Variants in SVBP observed in about 807,000 individuals in gnomAD.
SVBP encodes the protein small vasohibin-binding protein.
In SVBP, 9 loss-of-function variants were observed where a neutral mutation model predicts 9.2. That is an observed-to-expected ratio of 0.98 (90% CI 0.59 to 1.71). The LOEUF (loss-of-function observed/expected upper bound fraction) is 1.71, where lower values mean the gene tolerates loss of function less well. Among genes scored for constraint, SVBP ranks in the 40% most tolerant of loss-of-function variants. The pLI, the probability that SVBP is intolerant of heterozygous loss-of-function variation, is 0.00. For synonymous variants in SVBP, 27 were observed against 23.9 expected (o/e 1.13, Z -0.37); for missense variants, 63 against 73.2 (o/e 0.86, Z 0.51).
intron 2 of SVBP, among the ~76,000 whole-genome samples, chr1:42,814,223 A>G (rs1427838688): frequency 1.9e-5 from 1 of 52,032 alleles, no homozygotes; most frequent in Non-Finnish European, 3.5e-5. Context: ...CTGGGACTAC[A>G]GGGAGCACCA....
chr1:42,814,190 T>C (rs922232727), intron 2 of SVBP, among the ~76,000 whole-genome samples: 2 of 146,660 alleles, frequency 1.4e-5, no homozygotes, highest in Non-Finnish European at 3.0e-5. Context: ...CAAGCAATTC[T>C]CCTGCCTCAG....
chr1:42,809,494 A>C (rs907089443), intron 2 of SVBP, among the ~76,000 whole-genome samples: 1 of 152,202 alleles, frequency 6.6e-6, no homozygotes, highest in African/African-American at 2.4e-5. Flanking sequence ...GGCACAAATA[A>C]ACATTATTAG....
At chr1:42,808,115 A>G (rs1653998199) in intron 2 of SVBP, among the ~76,000 whole-genome samples, 1 of 136,894 alleles carries the variant, frequency 7.3e-6, no homozygotes, top group Non-Finnish European at 1.5e-5. Flanking sequence ...ATAAGTGTGC[A>G]GGGGAGCAAT....
intron 1 of SVBP, 44 bp from the exon 2 acceptor site, chr1:42,816,624 C>A: frequency 2.1e-6 from 2 of 958,152 alleles, no homozygotes; most frequent in African/African-American, 3.3e-5. Context: ...CAAAACAAAA[C>A]AAAAAATACC....
At chr1:42,808,859 G>A (rs1654022800) in intron 2 of SVBP, among the ~76,000 whole-genome samples, 2 of 151,954 alleles carry the variant, frequency 1.3e-5, no homozygotes, top group Non-Finnish European at 2.9e-5. Context: ...ACCAAACCCG[G>A]CTAAGTTTTG....
Position 42,816,368 on chromosome 1 carries a change from TTCTC to T in SVBP, c.114+59_114+62del, listed in dbSNP as rs1311618204. ...CGCTGTCAGTTCTCCTTTCTGCTGTTTCTCTATTCCAGCATCATCTCCAGCAGAC... is the reference window on the plus strand; with the variant it reads ...CGCTGTCAGTTCTCCTTTCTGCTGTTTATTCCAGCATCATCTCCAGCAGAC... On this transcript the variant is annotated intron_variant, in intron 2 of 2. Coordinates refer to ENST00000372521, the MANE Select transcript of SVBP (RefSeq NM_199342.4). 17 of 1,183,756 alleles carry T rather than the reference TTCTC, an allele frequency of 1.4e-5. No homozygotes were observed. In the East Asian group the frequency reaches 3.8e-4, roughly 26 times the overall value. 73.3% of individuals were successfully genotyped at this position (1,183,756 alleles called of 1,614,324 possible).
intron 2 of SVBP, chr1:42,813,729 CA>C: frequency 5.6e-6 from 3 of 531,616 alleles, no homozygotes; most frequent in South Asian, 4.2e-5. Flanking sequence ...TTGGCTATAT[CA>C]CCATTTCTCT....
intron 2 of SVBP, among the ~76,000 whole-genome samples, chr1:42,814,740 A>C (rs982343606): frequency 1.7e-4 from 26 of 152,320 alleles, no homozygotes; most frequent in African/African-American, 6.0e-4. Context: ...GAGGATGTGG[A>C]GAAATAGGAA....
intron 2 of SVBP, among the ~76,000 whole-genome samples, chr1:42,808,552 T>G (rs1368927003): frequency 6.8e-6 from 1 of 146,672 alleles, no homozygotes; most frequent in Non-Finnish European, 1.5e-5. Context: ...TCCCAAAGTA[T>G]ATACTATTAA....
At chr1:42,814,408 T>A (rs72958982) in intron 2 of SVBP, among the ~76,000 whole-genome samples, 7,586 of 151,226 alleles carry the variant, frequency 0.05, 293 homozygotes, top group African/African-American at 0.1. Context: ...TTAACAAAAA[T>A]TAAAAGTTGA....
Position 42,807,443 on chromosome 1 carries a change from A to G in SVBP, c.172T>C (p.Cys58Arg). The G allele has an allele frequency of 6.2e-7, 1 of 1,614,120 alleles. No individual in the cohort carries two copies. The highest frequency in any genetic ancestry group is 8.5e-7 in the Non-Finnish European group (1 of 1,179,954). Residue 58 changes from cysteine to arginine, a missense_variant, in exon 3 of 3, where the codon TGT becomes CGT. Physicochemically the swap from Cys to Arg is radical, Grantham distance 180. Transcript: ENST00000372521. The stretch of plus-strand genomic sequence containing the variant: ...TCTCCAGGAGGCTGCATCTGTTTAC[A>G]GAACTCATCAAACTGCTGCTGCTCC... ...ELEQQQFDEFCKQMQPPGE is the reference protein window; with the variant it reads ...ELEQQQFDEFRKQMQPPGE
intron 2 of SVBP, among the ~76,000 whole-genome samples, chr1:42,807,977 G>A (rs747402140): frequency 2.6e-5 from 4 of 151,430 alleles, no homozygotes; most frequent in Non-Finnish European, 5.9e-5. Context: ...CTTCAAGCAT[G>A]CCAATATAAA....
intron 2 of SVBP, 164 bp downstream of exon 2, chr1:42,816,267 C>A (rs1320381075): frequency 9.2e-6 from 5 of 542,262 alleles, no homozygotes; most frequent in Non-Finnish European, 1.6e-5. Flanking sequence ...GGGCTGCCAC[C>A]TCACCATTCT....
At chr1:42,808,579 T>A (rs1315413936) in intron 2 of SVBP, among the ~76,000 whole-genome samples, 1 of 146,840 alleles carries the variant, frequency 6.8e-6, no homozygotes, top group East Asian at 2.0e-4. Context: ...ATATACTATA[T>A]AGTATATATG....
rs1653980257 is a variant in SVBP, at chr1:42,807,307, A to G, written c.*107T>C. ...GAAGTGAGTTCAGATTTATCCACAA[A>G]TGTCTTCTGGTCTAGTTCTGTAAGG... is the stretch of plus-strand genomic sequence containing the variant. On this transcript the variant is annotated 3_prime_UTR_variant, in exon 3 of 3. Coordinates refer to ENST00000372521, the MANE Select transcript of SVBP (RefSeq NM_199342.4). 1.4e-6 allele frequency: 1 copy of G among 719,174 alleles called. No individual in the cohort carries two copies. The highest frequency in any genetic ancestry group is 1.7e-5 in the African/African-American group (1 of 57,258). 44.5% of individuals were successfully genotyped at this position (719,174 alleles called of 1,614,324 possible). A position where few individuals can be genotyped will look rare whatever the true frequency, so the allele number is the denominator to read the frequency against.
chr1:42,808,134 AGTGTGTGTGT>A (rs149608245), intron 2 of SVBP, among the ~76,000 whole-genome samples: 4,661 of 108,988 alleles, frequency 0.043, 506 homozygotes, highest in African/African-American at 0.16. Flanking sequence ...ATGTGAATAT[AGTGTGTGTGT>A]GTGTGTATAT....
At chr1:42,811,007 C>T (rs765627716) in intron 2 of SVBP, among the ~76,000 whole-genome samples, 7 of 152,022 alleles carry the variant, frequency 4.6e-5, no homozygotes, top group Non-Finnish European at 1.0e-4. Flanking sequence ...GGCATGGTGG[C>T]GGGTGCCTGT....
chr1:42,810,734 A>G (rs1654066966), intron 2 of SVBP, among the ~76,000 whole-genome samples: 1 of 152,006 alleles, frequency 6.6e-6, no homozygotes, highest in Admixed American at 6.6e-5. Flanking sequence ...CACCTCCCAC[A>G]TCTCTCCTTC....
Position 42,807,468 on chromosome 1 carries a change from C to T in SVBP, c.147G>A (p.Leu49=). Residue 49 remains leucine (L), a synonymous_variant, in exon 3 of 3, where the codon CTG becomes CTA. Coordinates refer to ENST00000372521, the MANE Select transcript of SVBP (RefSeq NM_199342.4). ...AGAACTCATCAAACTGCTGCTGCTC[C>T]AGTTCTGTCATGACTCTGTTGAGGG... is the stretch of plus-strand genomic sequence containing the variant. ...IYALNRVMTE[L]EQQQFDEFCK... is the part of the protein sequence containing the mutation. 3 of 1,613,980 alleles carry T rather than the reference C, an allele frequency of 1.9e-6. No homozygotes were observed. The highest frequency in any genetic ancestry group is 2.5e-6 in the Non-Finnish European group (3 of 1,179,890).
Sources: gnomAD v4.1 joint callset for allele counts (sites outside exome capture counted in the v4.1 genomes callset) on GRCh38, gnomAD v4.1.1 for gene constraint, MANE v1.5 for transcripts, NCBI Gene and HGNC (gene_info 2026-07-23, HGNC 2026-07-21) for gene names.